The following SRFBP1 variants were observed in gnomAD, a reference collection of about 807,000 sequenced individuals.
SRFBP1 encodes serum response factor binding protein 1, also known as serum response factor-binding protein 1.
In SRFBP1, 47 loss-of-function variants were observed where a neutral mutation model predicts 45.5. That is an observed-to-expected ratio of 1.03 (90% CI 0.82 to 1.32). The LOEUF (loss-of-function observed/expected upper bound fraction) is 1.32, where lower values mean the gene tolerates loss of function less well. Ranked by LOEUF, SRFBP1 falls within the 40% of genes most tolerant of loss-of-function variation. The pLI is 0.00. For synonymous variants in SRFBP1, 203 were observed against 166.3 expected (o/e 1.22, Z -1.70); for missense variants, 621 against 484.6 (o/e 1.28, Z -2.64).
At position 122,020,652 on chromosome 5, in the gene SRFBP1, A is replaced by G. The variant is rs1417999258; in HGVS notation, c.917A>G (p.Glu306Gly). ...AGTAGTTGTCATTCTTCAGTTAAGG[A>G]ACAAAAACCACTAGAAAAAGTGTTT... ...KESSCHSSVK[E>G]QKPLEKVFLK... The change falls in exon 6 of 8, where the codon GAA becomes GGA. Residue 306 changes from glutamate (E) to glycine (G), a missense_variant. Glu to Gly is a moderately conservative substitution (Grantham distance 98). Coordinates refer to ENST00000339397, the MANE Select transcript of SRFBP1 (RefSeq NM_152546.3). 1.2e-6 allele frequency: 2 copies of G among 1,613,932 alleles called. No individual in the cohort carries two copies. Among genetic ancestry groups the G allele is most frequent in the Non-Finnish European group, 1.7e-6 (2 of 1,180,004 alleles).
intron 4 of SRFBP1, among the ~76,000 whole-genome samples, chr5:122,011,612 T>G (rs1038572322): frequency 6.6e-6 from 1 of 152,174 alleles, no homozygotes; most frequent in Non-Finnish European, 1.5e-5. Flanking sequence ...TGCCTTGTAT[T>G]AGTTATTTGT....
At chr5:122,032,370 T>C (rs1042668133), downstream of SRFBP1, among the ~76,000 whole-genome samples, 3 of 152,000 alleles carry the variant, frequency 2.0e-5, no homozygotes, top group East Asian at 1.9e-4. Context: ...CCTTTCCCAT[T>C]GTTTGTTCTT....
At chr5:122,036,585 A>G (rs1376794719) in intron 2 of SRFBP1, among the ~76,000 whole-genome samples, 2 of 152,130 alleles carry the variant, frequency 1.3e-5, no homozygotes, top group Non-Finnish European at 2.9e-5. Flanking sequence ...GAGGCTAGAG[A>G]TGGAGTAGCT....
intron 4 of SRFBP1, among the ~76,000 whole-genome samples, chr5:122,017,090 G>C: frequency 6.6e-6 from 1 of 152,192 alleles, no homozygotes; most frequent in East Asian, 1.9e-4. Flanking sequence ...TCAGCTGAGC[G>C]TGGTGGCGGG....
intron 4 of SRFBP1, among the ~76,000 whole-genome samples, chr5:122,014,169 A>G (rs1408069285): frequency 1.3e-5 from 2 of 151,994 alleles, no homozygotes; most frequent in African/African-American, 4.8e-5. Flanking sequence ...TTGTCAAAAT[A>G]AAACAGAAAA....
intron 4 of SRFBP1, among the ~76,000 whole-genome samples, chr5:122,003,061 A>G (rs1209503437): frequency 6.6e-6 from 1 of 152,162 alleles, no homozygotes; most frequent in East Asian, 1.9e-4. Context: ...AAGAGAAGAA[A>G]GGCTGGGCAT....
At chr5:122,060,429 A>T (rs1185861778) in intron 2 of SRFBP1, among the ~76,000 whole-genome samples, 1 of 152,002 alleles carries the variant, frequency 6.6e-6, no homozygotes, top group Non-Finnish European at 1.5e-5. Flanking sequence ...ACCCACACAT[A>T]AGCCAAAATG....
At chr5:122,058,633 T>A (rs1412826440) in intron 2 of SRFBP1, among the ~76,000 whole-genome samples, 1 of 152,014 alleles carries the variant, frequency 6.6e-6, no homozygotes, top group Non-Finnish European at 1.5e-5. Flanking sequence ...TATCGTTATA[T>A]ATCTGGGCTT....
At chr5:122,032,890 G>C (rs77032908), downstream of SRFBP1, among the ~76,000 whole-genome samples, 786 of 152,254 alleles carry the variant, frequency 5.2e-3, 20 homozygotes, top group East Asian at 0.053. Context: ...GCCCACTGCA[G>C]TGTATGACAG....
intron 2 of SRFBP1, among the ~76,000 whole-genome samples, chr5:122,038,561 A>G (rs1023961247): frequency 1.3e-5 from 2 of 152,222 alleles, no homozygotes; most frequent in African/African-American, 4.8e-5. Context: ...TCCAGTCCCA[A>G]GTGATAAGAG....
At chr5:122,060,507 A>G (rs1754153544) in intron 2 of SRFBP1, among the ~76,000 whole-genome samples, 1 of 152,062 alleles carries the variant, frequency 6.6e-6, no homozygotes, top group Non-Finnish European at 1.5e-5. Context: ...GTGATTAATA[A>G]GAGCAATTGA....
Position 121,979,533 on chromosome 5 carries a change from A to G in SRFBP1, c.198+4146A>G, listed in dbSNP as rs76063758. Among the ~76,000 whole-genome samples the G allele has an allele frequency of 6.9e-3, 1,049 of 152,338 alleles. 11 individuals carry two copies. The highest frequency in any genetic ancestry group is 0.023 in the African/African-American group (966 of 41,570). On this transcript the variant is annotated intron_variant, in intron 3 of 7. Transcript: ENST00000339397. ...CTATGAAAGTAATTGTATTAAAAGT[A>G]TCGTTAATCTTACACTATAATTATT...
At chr5:121,984,692 A>G (rs1752478637) in intron 3 of SRFBP1, among the ~76,000 whole-genome samples, 1 of 151,868 alleles carries the variant, frequency 6.6e-6, no homozygotes, top group South Asian at 2.1e-4. Flanking sequence ...CTTTTAATGC[A>G]TATAAATGGC....
chr5:122,015,973 T>A (rs904758769), intron 4 of SRFBP1, among the ~76,000 whole-genome samples: 1 of 152,220 alleles, frequency 6.6e-6, no homozygotes, highest in Non-Finnish European at 1.5e-5. Flanking sequence ...CCTTATATAC[T>A]TGAATCAGAT....
intron 4 of SRFBP1, among the ~76,000 whole-genome samples, chr5:121,998,570 A>G (rs540381709): frequency 2.6e-4 from 39 of 148,036 alleles, no homozygotes; most frequent in African/African-American, 9.8e-4. Context: ...ATGCTAGATG[A>G]CGAGTTAGTG....
intron 2 of SRFBP1, among the ~76,000 whole-genome samples, chr5:122,042,967 A>C (rs187231657): frequency 6.6e-6 from 1 of 152,102 alleles, no homozygotes; most frequent in Non-Finnish European, 1.5e-5. Flanking sequence ...AAATATTTTA[A>C]TTACTATAGA....
chr5:122,052,509 C>T (rs1024098853), intron 2 of SRFBP1, among the ~76,000 whole-genome samples: 1 of 152,162 alleles, frequency 6.6e-6, no homozygotes, highest in Non-Finnish European at 1.5e-5. Context: ...TCTTCGAGTC[C>T]TGAGATTCCT....
chr5:122,019,267 C>A lies in SRFBP1; in HGVS notation c.278C>A (p.Ser93Tyr), dbSNP rs778323038. 3 of 1,611,826 alleles carry A rather than the reference C, an allele frequency of 1.9e-6. No individual in the cohort carries two copies. In the Admixed American group the frequency reaches 5.0e-5, roughly 27 times the overall value. ...ATATTTTTAAATTTGCAGCCAGATT[C>A]TACTGCAACTGAAAGAGCAATTGCC... ...NFEKIFKKPD[S>Y]TATERAIARL... The change falls in exon 5 of 8, where the codon TCT becomes TAT. Residue 93 changes from serine (S) to tyrosine (Y), a missense_variant. Physicochemically the swap from Ser to Tyr is moderately radical, Grantham distance 144. Transcript: ENST00000339397.
In SRFBP1 at chr5:122,060,871, C is replaced by T. The variant is rs544024834; in HGVS notation, n.312-14444C>T. Among the ~76,000 whole-genome samples the T allele has an allele frequency of 2.0e-5, 3 of 152,210 alleles. No individual in the cohort carries two copies. In the East Asian group the frequency reaches 5.8e-4, roughly 29 times the overall value. ...ATGAACCCAAAATTGCTCTTTTGACCAGGCAAGCTTAAGATATATGCCTGT... is the reference window on the plus strand; with the variant it reads ...ATGAACCCAAAATTGCTCTTTTGACTAGGCAAGCTTAAGATATATGCCTGT... On this transcript the variant is annotated intron_variant and non_coding_transcript_variant, in intron 2 of 2. Transcript: ENST00000504881.
Sources: allele counts gnomAD v4.1 joint callset (sites outside exome capture counted in the v4.1 genomes callset), GRCh38; gene constraint gnomAD v4.1.1; transcripts MANE v1.5; gene names NCBI Gene and HGNC (gene_info 2026-07-23, HGNC 2026-07-21).